Variants in DCHS2 observed in about 807,000 individuals in gnomAD.
DCHS2 encodes the protein dachsous cadherin-related 2, also known as protocadherin-23.
Under a neutral mutation model 182.4 loss-of-function variants are expected in DCHS2, and 142 were observed. The ratio of observed to expected loss-of-function variants is 0.78; its 90% CI spans 0.68 to 0.89. DCHS2 has a LOEUF of 0.89. Ranked by LOEUF, DCHS2 falls within the 40% of genes least tolerant of loss-of-function variation. DCHS2 has a pLI of 0.00. For missense variants in DCHS2, 4,319 were observed against 4,198.6 expected (o/e 1.03, Z -0.79); for synonymous variants, 1,740 against 1,663.3 (o/e 1.05, Z -1.12).
chr4:154,490,225 G>A lies in DCHS2; in HGVS notation c.1131C>T (p.Ala377=). Reference sequence around the variant, plus strand: ...GGGCCTCCACCACCAACTGGTGCCAGGCCTGTGCCTCGCGGTCCAGAGGTC... The same window carrying A: ...GGGCCTCCACCACCAACTGGTGCCAAGCCTGTGCCTCGCGGTCCAGAGGTC... The part of the protein sequence containing the change: ...VWRPLDREAQ[A]WHQLVVEARD... Residue 377 remains alanine (A), a synonymous_variant, in exon 1 of 20, where the codon GCC becomes GCT. Transcript: ENST00000357232. 5.2e-6 allele frequency: 8 copies of A among 1,549,772 alleles called. No homozygotes were observed. The highest frequency in any genetic ancestry group is 7.0e-6 in the Non-Finnish European group (8 of 1,146,824).
intron 1 of DCHS2, among the ~76,000 whole-genome samples, chr4:154,400,650 A>G (rs1273072646): frequency 2.0e-5 from 3 of 152,194 alleles, no homozygotes; most frequent in Non-Finnish European, 2.9e-5. Context: ...GGATAATGAG[A>G]ATCTATATGC....
At position 154,234,185 on chromosome 4, in the gene DCHS2, C is replaced by T. The variant is rs1731327306; in HGVS notation, c.*351G>A. The stretch of plus-strand genomic sequence containing the variant: ...AGCAGTGTGATCAGCAGCAATGTGA[C>T]CAGAGTACACTATATTTTGTTTCCA... On this transcript the variant is annotated 3_prime_UTR_variant, in exon 20 of 20. Transcript: ENST00000357232. 5.5e-6 allele frequency: 1 copy of T among 182,174 alleles called. No homozygotes were observed. Among genetic ancestry groups the T allele is most frequent in the Non-Finnish European group, 1.1e-5 (1 of 88,250 alleles). 11.3% of individuals were successfully genotyped at this position (182,174 alleles called of 1,614,324 possible).
At chr4:154,379,269 A>T (rs1731061837) in intron 1 of DCHS2, among the ~76,000 whole-genome samples, 1 of 152,192 alleles carries the variant, frequency 6.6e-6, no homozygotes, top group Non-Finnish European at 1.5e-5. Flanking sequence ...AGAGAGATGG[A>T]AGAGGCATTC....
chr4:154,389,516 T>TTATATATATATG (rs370730388), intron 1 of DCHS2, among the ~76,000 whole-genome samples: 3 of 111,130 alleles, frequency 2.7e-5, no homozygotes, highest in African/African-American at 9.4e-5. Context: ...AAGACAAAGG[T>TTATATATATATG]TATATATATA....
chr4:154,234,293 A>G lies in DCHS2; in HGVS notation c.*243T>C, dbSNP rs547839218. 7.0e-6 allele frequency: 3 copies of G among 431,538 alleles called. No individual in the cohort carries two copies. Among genetic ancestry groups the G allele is most frequent in the South Asian group, 9.5e-5 (2 of 21,136 alleles). The allele number at this position is 431,538 out of a possible 1,614,324, so 26.7% of individuals were successfully genotyped here. On this transcript the variant is annotated 3_prime_UTR_variant, in exon 20 of 20. Transcript: ENST00000357232. Reference sequence around the variant, plus strand: ...AGACAACAGGTCTGACAGAATATACACTACTTAATATATACAAATGTGAGT... The same window carrying G: ...AGACAACAGGTCTGACAGAATATACGCTACTTAATATATACAAATGTGAGT...
chr4:154,254,322 G>A (rs777313116), intron 16 of DCHS2, among the ~76,000 whole-genome samples: 1 of 152,122 alleles, frequency 6.6e-6, no homozygotes, highest in Admixed American at 6.5e-5. Context: ...CTCAATATGC[G>A]GGTGTGCTTT....
At chr4:154,351,611 G>A (rs1414120090) in intron 3 of DCHS2, among the ~76,000 whole-genome samples, 11 of 152,070 alleles carry the variant, frequency 7.2e-5, no homozygotes, top group African/African-American at 1.9e-4. Flanking sequence ...ACCAGGGACC[G>A]GTTTCGTGGA....
intron 12 of DCHS2, among the ~76,000 whole-genome samples, chr4:154,302,545 G>A (rs1242565850): frequency 6.6e-6 from 1 of 152,096 alleles, no homozygotes. Context: ...CCTTTGCTGT[G>A]TCACCTTTTT....
intron 1 of DCHS2, among the ~76,000 whole-genome samples, chr4:154,437,132 C>G (rs1017700449): frequency 6.6e-6 from 1 of 152,110 alleles, no homozygotes; most frequent in Non-Finnish European, 1.5e-5. Flanking sequence ...CCTTGCTACT[C>G]AAAGTGTGAG....
intron 3 of DCHS2, among the ~76,000 whole-genome samples, chr4:154,364,756 C>T (rs985623783): frequency 5.3e-5 from 8 of 152,014 alleles, no homozygotes; most frequent in Non-Finnish European, 7.4e-5. Flanking sequence ...TTGTTTCTAC[C>T]GTATATGGCT....
chr4:154,239,881 C>A (rs1275348539), intron 18 of DCHS2, among the ~76,000 whole-genome samples: 1 of 152,162 alleles, frequency 6.6e-6, no homozygotes. Flanking sequence ...TAAACTATTT[C>A]TATGAGGCAG....
chr4:154,259,645 A>G lies in DCHS2; in HGVS notation c.6689T>C (p.Val2230Ala), dbSNP rs748703539. The change falls in exon 15 of 20, where the codon GTC becomes GCC. Residue 2230 changes from valine (V) to alanine (A), a missense_variant. By Grantham distance (64) the Val-to-Ala change is moderately conservative. Coordinates refer to ENST00000357232, the MANE Select transcript of DCHS2 (RefSeq NM_001358235.2). ...SGHRAYCKVAVLIQDENDNSP... is the reference protein window; with the variant it reads ...SGHRAYCKVAALIQDENDNSP... ...ATTATCATTCTCATCCTGTATCAAG[A>G]CTGCTACTTTGCAATAGGCTCTATG... 3 of 1,613,948 alleles carry G rather than the reference A, an allele frequency of 1.9e-6. No homozygotes were observed. The highest frequency in any genetic ancestry group is 1.1e-5 in the South Asian group (1 of 91,080).
In DCHS2 at chr4:154,320,486, A is replaced by G. The variant is rs776458755; in HGVS notation, c.4913T>C (p.Val1638Ala). The G allele has an allele frequency of 6.2e-7, 1 of 1,614,140 alleles. No individual in the cohort carries two copies. ...VKEDVTVGSL[V>A]HHITAHDPDE... ...TGGATCGTGAGCAGTTATGTGGTGGACCAAGGAGCCCACTGTGACATCCTC... is the reference window on the plus strand; with the variant it reads ...TGGATCGTGAGCAGTTATGTGGTGGGCCAAGGAGCCCACTGTGACATCCTC... The change falls in exon 9 of 20, where the codon GTC becomes GCC. Residue 1638 changes from valine (V) to alanine (A), a missense_variant. Coordinates refer to ENST00000357232, the MANE Select transcript of DCHS2 (RefSeq NM_001358235.2).
intron 1 of DCHS2, among the ~76,000 whole-genome samples, chr4:154,475,387 C>A (rs893837518): frequency 6.6e-6 from 1 of 151,972 alleles, no homozygotes; most frequent in Non-Finnish European, 1.5e-5. Context: ...CCTTGGAGAA[C>A]AATATAAAGT....
At chr4:154,458,912 A>G (rs139905819) in intron 1 of DCHS2, among the ~76,000 whole-genome samples, 5 of 152,332 alleles carry the variant, frequency 3.3e-5, no homozygotes, top group Non-Finnish European at 5.9e-5. Flanking sequence ...CCAAAAAACA[A>G]TGAAAACATC....
At position 154,234,842 on chromosome 4, in the gene DCHS2, C is replaced by T; in HGVS notation, c.9810G>A (p.Glu3270=). Reference sequence around the variant, plus strand: ...GGGGTGGAAAAACAAAAGATTTCTTCTCTTTTGGAATGCCAGGCATATGCA... The same window carrying T: ...GGGGTGGAAAAACAAAAGATTTCTTTTCTTTTGGAATGCCAGGCATATGCA... ...EHLHMPGIPK[E]KKSFVFPPPL... The change falls in exon 20 of 20, where the codon GAG becomes GAA. Residue 3270 remains glutamate (E), a synonymous_variant. Coordinates refer to ENST00000357232, the MANE Select transcript of DCHS2 (RefSeq NM_001358235.2). The T allele has an allele frequency of 3.7e-6, 6 of 1,614,032 alleles. No homozygotes were observed. Among genetic ancestry groups the T allele is most frequent in the Non-Finnish European group, 1.7e-6 (2 of 1,179,954 alleles).
intron 3 of DCHS2, among the ~76,000 whole-genome samples, chr4:154,340,336 A>G (rs960459779): frequency 2.0e-5 from 3 of 152,236 alleles, no homozygotes; most frequent in African/African-American, 7.2e-5. Flanking sequence ...AGCTGTCTAT[A>G]TAAAGCCGAA....
At chr4:154,349,783 C>T (rs919996634) in intron 3 of DCHS2, among the ~76,000 whole-genome samples, 13 of 152,088 alleles carry the variant, frequency 8.5e-5, no homozygotes, top group African/African-American at 3.1e-4. Flanking sequence ...CGTGTTGCTA[C>T]GATTAACAGA....
intron 3 of DCHS2, among the ~76,000 whole-genome samples, chr4:154,341,078 A>C (rs1729042617): frequency 6.6e-6 from 1 of 152,058 alleles, no homozygotes; most frequent in Non-Finnish European, 1.5e-5. Flanking sequence ...AATTTGAAAA[A>C]ACGTTTTCGC....
Sources: gnomAD v4.1 joint callset for allele counts (sites outside exome capture counted in the v4.1 genomes callset) on GRCh38, gnomAD v4.1.1 for gene constraint, MANE v1.5 for transcripts, NCBI Gene and HGNC (gene_info 2026-07-23, HGNC 2026-07-21) for gene names.